Variants in CELF2 observed in about 807,000 individuals in gnomAD.
The protein encoded by CELF2 is CUG triplet repeat RNA-binding protein 2.
In CELF2, 8 loss-of-function variants were observed where a neutral mutation model predicts 62.6. That is an observed-to-expected ratio of 0.13 (90% CI 0.07 to 0.23). The LOEUF (loss-of-function observed/expected upper bound fraction) is 0.23, where lower values mean the gene tolerates loss of function less well. Ranked by LOEUF, CELF2 falls within the 10% of genes least tolerant of loss-of-function variation. The pLI, the probability that CELF2 is intolerant of heterozygous loss-of-function variation, is 1.00. For synonymous variants in CELF2, 258 were observed against 250.0 expected, an observed-to-expected ratio of 1.03 and a Z score of -0.30; for missense variants, 333 against 671.0, an observed-to-expected ratio of 0.50 and a Z score of 5.56.
intron 1 of CELF2, among the ~76,000 whole-genome samples, chr10:10,865,786 A>C (rs1037693176): frequency 6.6e-6 from 1 of 152,298 alleles, no homozygotes; most frequent in African/African-American, 2.4e-5. Context: ...AGAAAGAAGA[A>C]TGCAGGCACT....
chr10:10,522,474 C>G, the CELF2 span, among the ~76,000 whole-genome samples: 2 of 152,222 alleles, frequency 1.3e-5, no homozygotes, highest in Non-Finnish European at 2.9e-5. Context: ...TCTCACAGAG[C>G]ACGTACCATC....
At chr10:11,059,436 C>A (rs975485300) in intron 1 of CELF2, among the ~76,000 whole-genome samples, 1 of 152,022 alleles carries the variant, frequency 6.6e-6, no homozygotes, top group East Asian at 1.9e-4. Context: ...AACAGTTTCT[C>A]AGGGAAAATG....
chr10:11,121,387 C>T lies in CELF2; in HGVS notation c.75-44099C>T, dbSNP rs193018339. Among the ~76,000 whole-genome samples the T allele has an allele frequency of 5.2e-3, 792 of 152,266 alleles. 10 individuals carry two copies. Among genetic ancestry groups the T allele is most frequent in the African/African-American group, 0.018 (750 of 41,552 alleles). ...ATTCTTCTGATGCCAAACCATTAAG[C>T]AGCATTTTCTGTTTTGCAGTACCCT... On this transcript the variant is annotated intron_variant, in intron 1 of 12. Coordinates refer to ENST00000633077, the MANE Select transcript of CELF2 (RefSeq NM_001326342.2).
chr10:11,226,456 T>C (rs1459215032), intron 3 of CELF2, among the ~76,000 whole-genome samples: 1 of 152,186 alleles, frequency 6.6e-6, no homozygotes, highest in Non-Finnish European at 1.5e-5. Flanking sequence ...AAGGTAAATC[T>C]AAATCCTCAG....
intron 1 of CELF2, among the ~76,000 whole-genome samples, chr10:10,804,879 C>T (rs542885238): frequency 6.1e-4 from 93 of 152,224 alleles, no homozygotes; most frequent in African/African-American, 2.1e-3. Flanking sequence ...GAGGAGAGCA[C>T]GCTGTGTAAG....
At chr10:10,532,367 G>A in the CELF2 span, among the ~76,000 whole-genome samples, 1 of 152,216 alleles carries the variant, frequency 6.6e-6, no homozygotes, top group Non-Finnish European at 1.5e-5. Context: ...GGAACAGATT[G>A]ACTTGGCATA....
chr10:10,879,754 C>T (rs779761189), intron 1 of CELF2, among the ~76,000 whole-genome samples: 4 of 152,150 alleles, frequency 2.6e-5, no homozygotes, highest in African/African-American at 7.2e-5. Flanking sequence ...CTTGCTATCC[C>T]GACATCCTGT....
At chr10:10,777,438 G>T in the CELF2 span, among the ~76,000 whole-genome samples, 1 of 152,100 alleles carries the variant, frequency 6.6e-6, no homozygotes, top group Non-Finnish European at 1.5e-5. Context: ...GTCCGAGCTG[G>T]CATCCTAGCT....
the CELF2 span, among the ~76,000 whole-genome samples, chr10:10,657,035 G>A: frequency 6.6e-6 from 1 of 151,990 alleles, no homozygotes; most frequent in African/African-American, 2.4e-5. Flanking sequence ...ATCAATGGAT[G>A]AATGGATAAA....
At chr10:11,307,942 C>T (rs546679151) in intron 9 of CELF2, among the ~76,000 whole-genome samples, 2 of 152,314 alleles carry the variant, frequency 1.3e-5, no homozygotes, top group South Asian at 2.1e-4. Context: ...GGTGGGGAGA[C>T]TGGTGAGGTC....
chr10:11,292,085 T>C (rs2092602305), intron 9 of CELF2, among the ~76,000 whole-genome samples: 1 of 152,338 alleles, frequency 6.6e-6, no homozygotes. Flanking sequence ...TACAAGGCAT[T>C]CTAAAATGCT....
intron 2 of CELF2, among the ~76,000 whole-genome samples, chr10:11,215,168 T>G (rs2062986632): frequency 6.6e-6 from 1 of 152,224 alleles, no homozygotes; most frequent in African/African-American, 2.4e-5. Flanking sequence ...GCAGAAGGAC[T>G]ACACCTTCCT....
the CELF2 span, among the ~76,000 whole-genome samples, chr10:10,740,975 A>G: frequency 6.6e-6 from 1 of 152,208 alleles, no homozygotes; most frequent in Non-Finnish European, 1.5e-5. Context: ...AATGTTTAGT[A>G]AGGCAGAATT....
intron 1 of CELF2, among the ~76,000 whole-genome samples, chr10:10,885,431 C>T (rs2061690716): frequency 6.6e-6 from 1 of 151,148 alleles, no homozygotes; most frequent in Admixed American, 6.6e-5. Context: ...ATCTAGGCTC[C>T]AGATTAGCAG....
At chr10:10,465,924 T>C in the CELF2 span, among the ~76,000 whole-genome samples, 1 of 152,156 alleles carries the variant, frequency 6.6e-6, no homozygotes, top group Non-Finnish European at 1.5e-5. Flanking sequence ...TTTTCTTCAT[T>C]ATCATGTTAA....
At chr10:10,491,975 C>A in the CELF2 span, among the ~76,000 whole-genome samples, 1 of 152,152 alleles carries the variant, frequency 6.6e-6, no homozygotes, top group African/African-American at 2.4e-5. Context: ...CTCTTTCCCA[C>A]TTTCCCATTT....
intron 1 of CELF2, among the ~76,000 whole-genome samples, chr10:11,026,769 G>A (rs1164548252): frequency 1.3e-5 from 2 of 152,170 alleles, no homozygotes; most frequent in African/African-American, 2.4e-5. Context: ...GGCCACAGCC[G>A]TCTGGGACTT....
chr10:11,111,201 C>T (rs1320519473), intron 1 of CELF2, among the ~76,000 whole-genome samples: 3 of 152,212 alleles, frequency 2.0e-5, no homozygotes, highest in Non-Finnish European at 4.4e-5. Context: ...TGTTAATCTA[C>T]ATCTTCTTCC....
At chr10:10,810,802 G>A (rs1283380993) in intron 1 of CELF2, among the ~76,000 whole-genome samples, 2 of 152,206 alleles carry the variant, frequency 1.3e-5, no homozygotes, top group African/African-American at 2.4e-5. Flanking sequence ...GAGTGCCATC[G>A]TGGTGGAGCT....
Sources: allele counts gnomAD v4.1 joint callset (sites outside exome capture counted in the v4.1 genomes callset), GRCh38; gene constraint gnomAD v4.1.1; transcripts MANE v1.5; gene names NCBI Gene and HGNC (gene_info 2026-07-23, HGNC 2026-07-21).